SS18: variants seen among roughly 807,000 people sequenced by gnomAD.
SS18 encodes the protein protein SSXT.
In SS18, 28 loss-of-function variants were observed where a neutral mutation model predicts 72.5. That is an observed-to-expected ratio of 0.39 (90% CI 0.29 to 0.53). SS18 has a LOEUF of 0.53. Among genes scored for constraint, SS18 ranks in the 20% least tolerant of loss-of-function variants. The pLI, the probability that SS18 is intolerant of heterozygous loss-of-function variation, is 0.76. For missense variants in SS18, 518 were observed against 535.3 expected, an observed-to-expected ratio of 0.97 and a Z score of 0.32; for synonymous variants, 172 against 164.2, an observed-to-expected ratio of 1.05 and a Z score of -0.37.
intron 7 of SS18, among the ~76,000 whole-genome samples, chr18:26,036,809 T>C (rs934784349): frequency 1.3e-5 from 2 of 152,016 alleles, no homozygotes; most frequent in Non-Finnish European, 2.9e-5. Flanking sequence ...ACATGAAGGG[T>C]TGGCAAACTA....
chr18:26,054,758 G>A (rs76373990), intron 4 of SS18, among the ~76,000 whole-genome samples: 1 of 99,074 alleles, frequency 1.0e-5, no homozygotes, highest in Non-Finnish European at 2.1e-5. Context: ...TTTTTTTTTT[G>A]AGACGGAGTC....
At chr18:26,022,437 TAAA>T (rs35858470) in intron 10 of SS18, among the ~76,000 whole-genome samples, 8 of 131,996 alleles carry the variant, frequency 6.1e-5, no homozygotes, top group African/African-American at 2.2e-4. Context: ...CCTGAAACAA[TAAA>T]AAAAAAAAAA....
chr18:26,024,773 AT>A (rs2053417186), intron 10 of SS18, among the ~76,000 whole-genome samples: 1 of 152,150 alleles, frequency 6.6e-6, no homozygotes, highest in Non-Finnish European at 1.5e-5. Context: ...CAAAAACCAG[AT>A]GTGACAAATA....
chr18:26,084,074 G>C (rs1023626384), intron 2 of SS18: 6 of 152,052 alleles, frequency 3.9e-5, no homozygotes, highest in Non-Finnish European at 8.8e-5. Flanking sequence ...AAAAAACCAG[G>C]ATGAGCCTAG....
upstream of SS18, chr18:26,090,816 A>G: frequency 1.7e-6 from 1 of 572,590 alleles, no homozygotes; most frequent in South Asian, 2.1e-5. Flanking sequence ...GCATCCCCCG[A>G]GCTCTCCTTA....
chr18:26,083,422 T>C (rs1745312119), intron 2 of SS18, among the ~76,000 whole-genome samples: 1 of 152,200 alleles, frequency 6.6e-6, no homozygotes, highest in Admixed American at 6.5e-5. Flanking sequence ...TGGGGATACA[T>C]TCTGATAAAT....
chr18:26,068,575 T>C (rs572881243), intron 3 of SS18: 5 of 152,234 alleles, frequency 3.3e-5, no homozygotes, highest in Non-Finnish European at 7.3e-5. Context: ...AAGGAAACTC[T>C]GTAAGACCAA....
rs2053260805 is a variant in SS18, at chr18:26,016,948, T to TTGGTTTTTCCC, written c.*1405_*1406insGGGAAAAACCA. The TTGGTTTTTCCC allele has an allele frequency of 4.4e-6, 1 of 224,816 alleles. No homozygotes were observed. Among genetic ancestry groups the TTGGTTTTTCCC allele is most frequent in the Non-Finnish European group, 8.9e-6 (1 of 112,638 alleles). 13.9% of individuals were successfully genotyped at this position (224,816 alleles called of 1,614,324 possible). On this transcript the variant is annotated 3_prime_UTR_variant, in exon 11 of 11. Coordinates refer to ENST00000415083, the MANE Select transcript of SS18 (RefSeq NM_001007559.3). ...GAAAAACCAATTCAATTATAAAGAATACATCTTATTCCCTGGGCATAGGCA... is the reference window on the plus strand; with the variant it reads ...GAAAAACCAATTCAATTATAAAGAATTGGTTTTTCCCACATCTTATTCCCTGGGCATAGGCA...
At chr18:26,023,562 G>GT (rs2053390414) in intron 10 of SS18, 1 of 496,764 alleles carries the variant, frequency 2.0e-6, no homozygotes, top group Admixed American at 2.6e-5. Flanking sequence ...TGGAAACAAT[G>GT]TAAGGAAGAA....
intron 1 of SS18, among the ~76,000 whole-genome samples, chr18:26,089,188 A>G (rs1027606217): frequency 6.6e-6 from 1 of 152,230 alleles, no homozygotes; most frequent in Admixed American, 6.5e-5. Flanking sequence ...TCCATGATAA[A>G]TATCTTCAGA....
chr18:26,074,189 T>C (rs1464105364), intron 3 of SS18, among the ~76,000 whole-genome samples: 1 of 152,034 alleles, frequency 6.6e-6, no homozygotes, highest in Non-Finnish European at 1.5e-5. Flanking sequence ...CAAAGCATGA[T>C]GTTATAAAAT....
chr18:26,079,421 G>C (rs1208404612), intron 2 of SS18, among the ~76,000 whole-genome samples: 1 of 1,714 alleles, frequency 5.8e-4, no homozygotes, highest in South Asian at 0.05. Flanking sequence ...CAAATTGTTA[G>C]GCTTTCTTAA....
chr18:26,025,562 C>T (rs2169000), intron 10 of SS18, among the ~76,000 whole-genome samples: 38,588 of 151,506 alleles, frequency 0.25, 8,603 homozygotes, highest in African/African-American at 0.6. Context: ...AGATATTGAG[C>T]GATGATAAAG....
At chr18:26,082,391 C>T (rs572832187) in intron 2 of SS18, 719 of 955,722 alleles carry the variant, frequency 7.5e-4, no homozygotes, top group Non-Finnish European at 8.5e-4. Context: ...TATTAGACAA[C>T]GGGAATGCAC....
Position 26,052,900 on chromosome 18 carries a change from C to A in SS18, c.386-55G>T, listed in dbSNP as rs368606676. 2.1e-6 allele frequency: 3 copies of A among 1,445,214 alleles called. No homozygotes were observed. In the South Asian group the frequency reaches 3.7e-5, roughly 18 times the overall value. 89.5% of individuals were successfully genotyped at this position (1,445,214 alleles called of 1,614,324 possible). A position where few individuals can be genotyped will look rare whatever the true frequency, so the allele number is the denominator to read the frequency against. Reference sequence around the variant, plus strand: ...ATGAAAGTTAAACAGATGGTCCATACAAAAGTACCTGGAAATAATTTTTTT... The same window carrying A: ...ATGAAAGTTAAACAGATGGTCCATAAAAAAGTACCTGGAAATAATTTTTTT... On this transcript the variant is annotated intron_variant, in intron 4 of 10. Transcript: ENST00000415083.
rs1381106141 is a variant in SS18 at position 26,026,327 on chromosome 18, G to C, written c.1230+6072C>G. On this transcript the variant is annotated intron_variant, in intron 10 of 10. Transcript: ENST00000415083. ...TCATGACCAAATAGATTTTATCCCA[G>C]GTATGAAGTTGGTTCACATTTGAAA... is the stretch of plus-strand genomic sequence containing the variant. Among the ~76,000 whole-genome samples, 4 of 151,980 alleles carry C rather than the reference G, an allele frequency of 2.6e-5. No homozygotes were observed. The East Asian group carries it at 7.7e-4, about 29-fold the overall frequency.
chr18:26,086,959 T>C (rs2054625642), intron 2 of SS18, among the ~76,000 whole-genome samples: 1 of 152,218 alleles, frequency 6.6e-6, no homozygotes, highest in Non-Finnish European at 1.5e-5. Context: ...ATACAAAAGC[T>C]TGTACACAAA....
intron 10 of SS18, among the ~76,000 whole-genome samples, chr18:26,027,346 A>G (rs1359468581): frequency 6.7e-6 from 1 of 149,856 alleles, no homozygotes; most frequent in African/African-American, 2.5e-5. Flanking sequence ...ACGACAATCC[A>G]GTAGGTAAAA....
intron 10 of SS18, among the ~76,000 whole-genome samples, chr18:26,021,008 T>A (rs190521763): frequency 1.2e-4 from 19 of 152,278 alleles, no homozygotes; most frequent in Non-Finnish European, 2.2e-4. Context: ...CATCTATATA[T>A]AGTAAATATT....
Sources: gnomAD v4.1 joint callset for allele counts (sites outside exome capture counted in the v4.1 genomes callset) on GRCh38, gnomAD v4.1.1 for gene constraint, MANE v1.5 for transcripts, NCBI Gene and HGNC (gene_info 2026-07-23, HGNC 2026-07-21) for gene names.